Variants in PAK2 observed in about 807,000 individuals in gnomAD.
PAK2 encodes the protein serine/threonine-protein kinase PAK 2.
A neutral mutation model predicts 65.9 loss-of-function variants in PAK2; 21 were observed. The observed-to-expected ratio is 0.32, with a 90% CI of 0.23 to 0.46. The LOEUF is 0.46. PAK2 is among the 20% of genes least tolerant of loss of function. The pLI is 1.00. For synonymous variants in PAK2, 204 were observed against 219.7 expected, an observed-to-expected ratio of 0.93 and a Z score of 0.63; for missense variants, 324 against 642.6, an observed-to-expected ratio of 0.50 and a Z score of 5.36.
chr3:196,804,828 C>CAT (rs113952444), intron 4 of PAK2, among the ~76,000 whole-genome samples: 62 of 147,630 alleles, frequency 4.2e-4, no homozygotes, highest in South Asian at 1.3e-3. Flanking sequence ...TATATATACA[C>CAT]ATATATATAT....
chr3:196,781,614 G>T (rs945046379), intron 1 of PAK2, among the ~76,000 whole-genome samples: 2 of 152,186 alleles, frequency 1.3e-5, no homozygotes, highest in Non-Finnish European at 2.9e-5. Context: ...AAAGACTAAT[G>T]TGTGTAAATT....
chr3:196,751,663 T>TATATATATGTATATA (rs1713589849), intron 1 of PAK2, among the ~76,000 whole-genome samples: 1 of 45,748 alleles, frequency 2.2e-5, no homozygotes, highest in Non-Finnish European at 4.0e-5. Flanking sequence ...ACACACAAAT[T>TATATATATGTATATA]TATTTATATA....
chr3:196,782,814 A>G lies in PAK2; in HGVS notation c.168A>G (p.Ile56Met), dbSNP rs140632720. ...EKKPRHKIISIFSGTEKGSKK... is the reference protein window; with the variant it reads ...EKKPRHKIISMFSGTEKGSKK... Reference sequence around the variant, plus strand: ...AGCCCAGGCATAAAATCATCTCCATATTCTCAGGCACAGAGAAAGGTAAAT... The same window carrying G: ...AGCCCAGGCATAAAATCATCTCCATGTTCTCAGGCACAGAGAAAGGTAAAT... The change falls in exon 2 of 15, where the codon ATA (isoleucine) becomes ATG (methionine). Residue 56 changes from isoleucine to methionine, a missense_variant. Ile to Met is a conservative substitution (Grantham distance 10, BLOSUM62 1). Coordinates refer to ENST00000327134, the MANE Select transcript of PAK2 (RefSeq NM_002577.4). 1.9e-6 allele frequency: 3 copies of G among 1,611,634 alleles called. No individual in the cohort carries two copies. The highest frequency in any genetic ancestry group is 2.5e-6 in the Non-Finnish European group (3 of 1,178,810).
At chr3:196,766,476 G>A (rs752835670) in intron 1 of PAK2, among the ~76,000 whole-genome samples, 5 of 152,090 alleles carry the variant, frequency 3.3e-5, no homozygotes, top group Non-Finnish European at 7.4e-5. Context: ...CCGTATTTTG[G>A]TCTTCATTTA....
intron 1 of PAK2, among the ~76,000 whole-genome samples, chr3:196,751,600 T>C (rs1239800859): frequency 8.3e-5 from 12 of 144,402 alleles, no homozygotes; most frequent in African/African-American, 2.6e-4. Context: ...TGAGCCCAGA[T>C]CACACCACTG....
intron 10 of PAK2, among the ~76,000 whole-genome samples, chr3:196,813,654 A>G (rs1715900176): frequency 6.6e-6 from 1 of 152,088 alleles, no homozygotes; most frequent in Admixed American, 6.6e-5. Flanking sequence ...ACATGTTCAT[A>G]GAAATAAACT....
At chr3:196,809,752 A>G (rs1405688828) in intron 7 of PAK2, among the ~76,000 whole-genome samples, 1 of 150,516 alleles carries the variant, frequency 6.6e-6, no homozygotes, top group East Asian at 1.9e-4. Flanking sequence ...TTTTGTTCTT[A>G]GCCTCTTATT....
Position 196,804,774 on chromosome 3 carries a change from G to A in PAK2, c.437-578G>A, listed in dbSNP as rs1003077234. Among the ~76,000 whole-genome samples the A allele has an allele frequency of 6.6e-5, 10 of 151,004 alleles. 1 individual carries two copies. The highest frequency in any genetic ancestry group is 4.2e-4 in the South Asian group (2 of 4,786). ...ATGAGCCACCGCGCCCGGCCTGTGCGTATGTAATATGTGATATGTGTGTGT... is the reference window on the plus strand; with the variant it reads ...ATGAGCCACCGCGCCCGGCCTGTGCATATGTAATATGTGATATGTGTGTGT... On this transcript the variant is annotated intron_variant, in intron 4 of 14. Coordinates refer to ENST00000327134, the MANE Select transcript of PAK2 (RefSeq NM_002577.4).
chr3:196,797,093 C>T (rs1039682031), intron 2 of PAK2, among the ~76,000 whole-genome samples: 4 of 152,134 alleles, frequency 2.6e-5, no homozygotes, highest in African/African-American at 7.2e-5. Flanking sequence ...ACCTAATAGA[C>T]GTTTATAGAA....
intron 2 of PAK2, among the ~76,000 whole-genome samples, chr3:196,794,836 CCT>C (rs761247698): frequency 2.6e-5 from 4 of 152,154 alleles, no homozygotes; most frequent in Non-Finnish European, 5.9e-5. Context: ...CTTGGGGACT[CCT>C]CTCTCCCATT....
chr3:196,784,242 ATAC>A (rs1560103067), intron 2 of PAK2, among the ~76,000 whole-genome samples: 5 of 90,094 alleles, frequency 5.5e-5, no homozygotes, highest in African/African-American at 2.3e-4. Context: ...TTTTTTAATT[ATAC>A]TTTAAGTTTT....
intron 8 of PAK2, among the ~76,000 whole-genome samples, chr3:196,811,217 C>CTCCCTTCCT (rs1715782810): frequency 3.7e-4 from 2 of 5,396 alleles, no homozygotes; most frequent in African/African-American, 1.9e-3. Context: ...CTTCCCTTCC[C>CTCCCTTCCT]TCCCTCCCTT....
chr3:196,799,557 G>A (rs1303951055), intron 2 of PAK2, among the ~76,000 whole-genome samples: 1 of 152,124 alleles, frequency 6.6e-6, no homozygotes, highest in African/African-American at 2.4e-5. Context: ...TGATGCCTTC[G>A]GCTACGTTAT....
intron 6 of PAK2, among the ~76,000 whole-genome samples, chr3:196,807,104 A>G (rs34638793): frequency 0.12 from 17,616 of 152,234 alleles, 1,283 homozygotes; most frequent in Middle Eastern, 0.26. Flanking sequence ...GCAGTTGAGA[A>G]TGAAATTCCT....
chr3:196,751,674 C>CACATATATAT (rs1250574181), intron 1 of PAK2, among the ~76,000 whole-genome samples: 1 of 71,818 alleles, frequency 1.4e-5, no homozygotes, highest in African/African-American at 7.5e-5. Flanking sequence ...TATTTATATA[C>CACATATATAT]ATATATATAT....
In PAK2 at chr3:196,739,904, C is replaced by A. The variant is rs897216313; in HGVS notation, c.-275C>A. On this transcript the variant is annotated 5_prime_UTR_variant, in exon 1 of 15. Coordinates refer to ENST00000327134, the MANE Select transcript of PAK2 (RefSeq NM_002577.4). Reference sequence around the variant, plus strand: ...GCCACGCGCAGCGGCGGCGGTTGTTCCGCTTCCCCTCCGGCCCGGGCCGTC... The same window carrying A: ...GCCACGCGCAGCGGCGGCGGTTGTTACGCTTCCCCTCCGGCCCGGGCCGTC... 6.6e-6 allele frequency: 1 copy of A among 152,294 alleles called. No individual in the cohort carries two copies. Among genetic ancestry groups the A allele is most frequent in the Non-Finnish European group, 1.5e-5 (1 of 68,172 alleles). 9.4% of individuals were successfully genotyped at this position (152,294 alleles called of 1,614,324 possible). A position where few individuals can be genotyped will look rare whatever the true frequency, so the allele number is the denominator to read the frequency against.
At chr3:196,795,676 A>G (rs1235683276) in intron 2 of PAK2, among the ~76,000 whole-genome samples, 3 of 152,238 alleles carry the variant, frequency 2.0e-5, no homozygotes, top group Non-Finnish European at 2.9e-5. Flanking sequence ...ATTCTATACT[A>G]TTGAAAGTGT....
chr3:196,788,843 G>A (rs774946236), intron 2 of PAK2, among the ~76,000 whole-genome samples: 2 of 152,158 alleles, frequency 1.3e-5, no homozygotes, highest in Admixed American at 6.6e-5. Context: ...AGTGCCGCCC[G>A]GTGTTACTGG....
At chr3:196,753,053 A>G (rs1346648993) in intron 1 of PAK2, among the ~76,000 whole-genome samples, 2 of 148,018 alleles carry the variant, frequency 1.4e-5, no homozygotes, top group Non-Finnish European at 3.0e-5. Flanking sequence ...CCGATGGCTC[A>G]CTGCAACTTC....
Sources: gnomAD v4.1 joint callset for allele counts (sites outside exome capture counted in the v4.1 genomes callset) on GRCh38, gnomAD v4.1.1 for gene constraint, MANE v1.5 for transcripts, NCBI Gene and HGNC (gene_info 2026-07-23, HGNC 2026-07-21) for gene names.